Variants in SGCZ observed in about 807,000 individuals in gnomAD.
SGCZ encodes the protein sarcoglycan zeta, also known as zeta-sarcoglycan.
Under a neutral mutation model 41.3 loss-of-function variants are expected in SGCZ, and 40 were observed. The ratio of observed to expected loss-of-function variants is 0.97; its 90% CI spans 0.75 to 1.26. The LOEUF (loss-of-function observed/expected upper bound fraction) is 1.26, where lower values mean the gene tolerates loss of function less well. Among genes scored for constraint, SGCZ ranks in the 50% most tolerant of loss-of-function variants. SGCZ has a pLI of 0.00. For missense variants in SGCZ, 552 were observed against 369.8 expected, an observed-to-expected ratio of 1.49 and a Z score of -4.04; for synonymous variants, 206 against 137.5, an observed-to-expected ratio of 1.50 and a Z score of -3.49.
intron 1 of SGCZ, among the ~76,000 whole-genome samples, chr8:14,614,963 T>C (rs533719716): frequency 6.6e-6 from 1 of 150,634 alleles, no homozygotes; most frequent in Admixed American, 6.7e-5. Context: ...TATCATTTTA[T>C]ATATACACAT....
At chr8:14,721,523 G>A (rs1024964983) in intron 1 of SGCZ, among the ~76,000 whole-genome samples, 34 of 152,114 alleles carry the variant, frequency 2.2e-4, no homozygotes, top group African/African-American at 7.2e-4. Flanking sequence ...ATTTCACATC[G>A]GCCCATCAAT....
Position 14,122,676 on chromosome 8 carries a change from C to T in SGCZ, c.548-14441G>A, listed in dbSNP as rs1203951407. On this transcript the variant is annotated intron_variant, in intron 5 of 7. Coordinates refer to ENST00000382080, the MANE Select transcript of SGCZ (RefSeq NM_139167.4). Reference sequence around the variant, plus strand: ...TGTCTACATTTTTAAAGAGTCATAACATCTTCACTGGCTAATTCCAGTTAG... The same window carrying T: ...TGTCTACATTTTTAAAGAGTCATAATATCTTCACTGGCTAATTCCAGTTAG... Among the ~76,000 whole-genome samples, 3 of 152,146 alleles carry T rather than the reference C, an allele frequency of 2.0e-5. No individual in the cohort carries two copies. The East Asian group carries it at 5.8e-4, about 29-fold the overall frequency.
At chr8:14,779,369 A>C (rs1000957577) in intron 1 of SGCZ, among the ~76,000 whole-genome samples, 7 of 152,180 alleles carry the variant, frequency 4.6e-5, no homozygotes, top group African/African-American at 9.7e-5. Flanking sequence ...ATTTTCCAGC[A>C]CTAATTTATT....
chr8:14,145,760 A>G (rs1263958175), intron 5 of SGCZ, among the ~76,000 whole-genome samples: 1 of 152,218 alleles, frequency 6.6e-6, no homozygotes, highest in African/African-American at 2.4e-5. Context: ...GATTGAAATA[A>G]TTAAAAAGAA....
chr8:15,007,728 T>A (rs1353422142), intron 1 of SGCZ, among the ~76,000 whole-genome samples: 2 of 152,222 alleles, frequency 1.3e-5, no homozygotes, highest in African/African-American at 4.8e-5. Flanking sequence ...TTAAAATAAG[T>A]TGAAATCATC....
chr8:14,199,046 A>AT (rs1463169370), intron 4 of SGCZ, among the ~76,000 whole-genome samples: 1 of 152,208 alleles, frequency 6.6e-6, no homozygotes, highest in East Asian at 1.9e-4. Flanking sequence ...TAAGAAAAGG[A>AT]TAACAGCAAT....
intron 5 of SGCZ, among the ~76,000 whole-genome samples, chr8:14,150,434 T>G (rs1009380435): frequency 5.9e-5 from 9 of 152,064 alleles, no homozygotes; most frequent in Non-Finnish European, 1.3e-4. Flanking sequence ...ATGCTCAACA[T>G]GGATTATGAG....
rs115522358 is a variant in SGCZ, at chr8:14,698,972, G to A, written c.40-144046C>T. ...CTGCTGCCATAAGTATATAAGATAC[G>A]AAATAAAATACGGTAATAAACTATG... On this transcript the variant is annotated intron_variant, in intron 1 of 7. Transcript: ENST00000382080. 3.6e-3 allele frequency among the ~76,000 whole-genome samples: 541 copies of A among 151,810 alleles called. 3 individuals are homozygous for A. The highest frequency in any genetic ancestry group is 0.012 in the African/African-American group (513 of 41,446).
At position 14,236,886 on chromosome 8, in the gene SGCZ, T is replaced by C. The variant is rs547505717; in HGVS notation, c.424+706A>G. On this transcript the variant is annotated intron_variant, in intron 4 of 7. Coordinates refer to ENST00000382080, the MANE Select transcript of SGCZ (RefSeq NM_139167.4). ...GATATAAATCTCCAAATTAAAATATTTATTTGCTATGAGAAAAAAATTAAT... is the reference window on the plus strand; with the variant it reads ...GATATAAATCTCCAAATTAAAATATCTATTTGCTATGAGAAAAAAATTAAT... Among the ~76,000 whole-genome samples, 61 of 151,862 alleles carry C rather than the reference T, an allele frequency of 4.0e-4. No homozygotes were observed. The South Asian group carries it at 0.013, about 32-fold the overall frequency.
chr8:15,080,600 TA>T (rs534546198), intron 1 of SGCZ, among the ~76,000 whole-genome samples: 92 of 152,066 alleles, frequency 6.0e-4, no homozygotes, highest in African/African-American at 2.1e-3. Flanking sequence ...TTTATTTATT[TA>T]TTTATTTTGA....
At chr8:14,852,918 T>A (rs954446765) in intron 1 of SGCZ, among the ~76,000 whole-genome samples, 2 of 152,192 alleles carry the variant, frequency 1.3e-5, no homozygotes, top group Non-Finnish European at 2.9e-5. Flanking sequence ...CATATGTTAC[T>A]ATTTCTATGG....
At chr8:14,197,167 A>G (rs1041378801) in intron 4 of SGCZ, among the ~76,000 whole-genome samples, 3 of 152,268 alleles carry the variant, frequency 2.0e-5, no homozygotes, top group Admixed American at 6.5e-5. Flanking sequence ...GAAGGTCCGG[A>G]TGGCTTTCTT....
chr8:14,566,611 G>A (rs1338043209), intron 1 of SGCZ, among the ~76,000 whole-genome samples: 5 of 152,240 alleles, frequency 3.3e-5, no homozygotes, highest in Admixed American at 2.0e-4. Context: ...AATGACTGAT[G>A]CTACCTTCTT....
At chr8:15,235,529 G>A (rs953521686) in intron 1 of SGCZ, among the ~76,000 whole-genome samples, 2 of 152,060 alleles carry the variant, frequency 1.3e-5, no homozygotes, top group Admixed American at 6.6e-5. Flanking sequence ...CCTACCCTCT[G>A]CTGCCAGAGC....
intron 1 of SGCZ, among the ~76,000 whole-genome samples, chr8:14,819,465 C>A (rs1226987278): frequency 8.5e-5 from 13 of 152,066 alleles, no homozygotes; most frequent in Admixed American, 8.5e-4. Context: ...ACAAGACTGG[C>A]CTTATAGGGA....
chr8:15,140,459 A>G (rs1808278045), intron 1 of SGCZ, among the ~76,000 whole-genome samples: 1 of 152,198 alleles, frequency 6.6e-6, no homozygotes, highest in African/African-American at 2.4e-5. Context: ...CCTCATTTAT[A>G]GAAAGATCAC....
chr8:14,432,952 T>G (rs1158534848), intron 2 of SGCZ, among the ~76,000 whole-genome samples: 1 of 134,884 alleles, frequency 7.4e-6, no homozygotes, highest in East Asian at 2.2e-4. Context: ...AGCTTACTCA[T>G]GTAACCAAAC....
At chr8:14,709,968 A>C (rs1384083807) in intron 1 of SGCZ, among the ~76,000 whole-genome samples, 1 of 152,212 alleles carries the variant, frequency 6.6e-6, no homozygotes, top group Non-Finnish European at 1.5e-5. Flanking sequence ...AGAGAAACTA[A>C]GACTCAAACC....
intron 1 of SGCZ, among the ~76,000 whole-genome samples, chr8:14,689,357 AACAAAT>A (rs1808724800): frequency 6.6e-6 from 1 of 152,198 alleles, no homozygotes; most frequent in African/African-American, 2.4e-5. Flanking sequence ...GTAAGTAAAA[AACAAAT>A]ACATTGTTTA....
Sources: allele counts gnomAD v4.1 joint callset (sites outside exome capture counted in the v4.1 genomes callset), GRCh38; gene constraint gnomAD v4.1.1; transcripts MANE v1.5; gene names NCBI Gene and HGNC (gene_info 2026-07-23, HGNC 2026-07-21).